The following UVRAG variants were observed in gnomAD, a reference collection of about 807,000 sequenced individuals.
The protein encoded by UVRAG is UV radiation resistance-associated gene protein.
Under a neutral mutation model 78.0 loss-of-function variants are expected in UVRAG, and 19 were observed. The ratio of observed to expected loss-of-function variants is 0.24; its 90% CI spans 0.17 to 0.36. The LOEUF (loss-of-function observed/expected upper bound fraction) is 0.36, where lower values mean the gene tolerates loss of function less well. UVRAG is among the 10% of genes least tolerant of loss of function. The pLI is 1.00. For synonymous variants in UVRAG, 323 were observed against 324.6 expected, an observed-to-expected ratio of 1.00 and a Z score of 0.05; for missense variants, 740 against 853.8, an observed-to-expected ratio of 0.87 and a Z score of 1.66.
chr11:75,917,746 A>G (rs1947889282), intron 6 of UVRAG, among the ~76,000 whole-genome samples: 3 of 152,192 alleles, frequency 2.0e-5, no homozygotes, highest in African/African-American at 7.2e-5. Flanking sequence ...TAGTCTCCCA[A>G]GCTAGTAATC....
intron 13 of UVRAG, among the ~76,000 whole-genome samples, chr11:76,107,945 A>AT: frequency 6.6e-6 from 1 of 152,128 alleles, no homozygotes. Flanking sequence ...GCATATGTGC[A>AT]TTTTTCATTT....
At chr11:75,961,291 C>A (rs755125331) in intron 6 of UVRAG, among the ~76,000 whole-genome samples, 153 bp from the exon 7 acceptor site, 7 of 151,774 alleles carry the variant, frequency 4.6e-5, no homozygotes, top group Non-Finnish European at 1.0e-4. Flanking sequence ...TATTGTATTC[C>A]CTGTTATTTC....
intron 1 of UVRAG, among the ~76,000 whole-genome samples, chr11:75,838,674 T>C (rs534670051): frequency 6.6e-6 from 1 of 152,286 alleles, no homozygotes; most frequent in African/African-American, 2.4e-5. Context: ...TTTTGATAGA[T>C]GTTGTCAGAT....
intron 12 of UVRAG, among the ~76,000 whole-genome samples, chr11:76,028,210 C>G (rs1242713207): frequency 6.6e-6 from 1 of 152,058 alleles, no homozygotes; most frequent in Non-Finnish European, 1.5e-5. Flanking sequence ...ACAAACCACA[C>G]CAATATAAGA....
At chr11:76,110,077 T>C (rs1439185922) in intron 13 of UVRAG, among the ~76,000 whole-genome samples, 1 of 152,096 alleles carries the variant, frequency 6.6e-6, no homozygotes, top group East Asian at 1.9e-4. Flanking sequence ...TTGAAGTAAC[T>C]CTTTCCTTCT....
chr11:75,881,894 A>G (rs1281268983), intron 4 of UVRAG, among the ~76,000 whole-genome samples: 2 of 152,204 alleles, frequency 1.3e-5, no homozygotes, highest in Non-Finnish European at 2.9e-5. Flanking sequence ...TGAGCCTCAG[A>G]AACTTTAGGA....
At chr11:75,991,894 G>C (rs1167460453) in intron 8 of UVRAG, among the ~76,000 whole-genome samples, 1 of 152,034 alleles carries the variant, frequency 6.6e-6, no homozygotes, top group Non-Finnish European at 1.5e-5. Context: ...CTCATATTTA[G>C]AGAATATGAG....
chr11:76,005,305 T>G (rs1949911753), intron 9 of UVRAG, among the ~76,000 whole-genome samples: 1 of 151,996 alleles, frequency 6.6e-6, no homozygotes, highest in Non-Finnish European at 1.5e-5. Flanking sequence ...ATGGCGCCAC[T>G]GCACTCCAGT....
At chr11:75,927,429 T>C (rs1191803062) in intron 6 of UVRAG, among the ~76,000 whole-genome samples, 1 of 152,198 alleles carries the variant, frequency 6.6e-6, no homozygotes, top group East Asian at 1.9e-4. Context: ...GAGTAGAATA[T>C]AATGATAGCT....
At chr11:75,946,623 T>C (rs1423360524) in intron 6 of UVRAG, among the ~76,000 whole-genome samples, 2 of 152,210 alleles carry the variant, frequency 1.3e-5, no homozygotes, top group Admixed American at 1.3e-4. Flanking sequence ...TAAGCTCCCA[T>C]GGTTTTTGGC....
chr11:75,946,046 AT>A (rs1948582661), intron 6 of UVRAG, among the ~76,000 whole-genome samples: 1 of 152,168 alleles, frequency 6.6e-6, no homozygotes, highest in South Asian at 2.1e-4. Context: ...AAGTTTGAGC[AT>A]TATGAAGATA....
At chr11:75,909,446 T>C in intron 5 of UVRAG, among the ~76,000 whole-genome samples, 1 of 152,228 alleles carries the variant, frequency 6.6e-6, no homozygotes, top group African/African-American at 2.4e-5. Context: ...ATCATGCTAC[T>C]ACTCTCCAGC....
intron 12 of UVRAG, among the ~76,000 whole-genome samples, chr11:76,060,130 T>G (rs574041731): frequency 6.6e-6 from 1 of 152,316 alleles, no homozygotes; most frequent in East Asian, 1.9e-4. Context: ...AATCAGTTTC[T>G]TTTCACAGTT....
At chr11:75,900,059 G>A (rs1947455250) in intron 5 of UVRAG, among the ~76,000 whole-genome samples, 1 of 152,148 alleles carries the variant, frequency 6.6e-6, no homozygotes, top group East Asian at 1.9e-4. Flanking sequence ...CACGTTTCCT[G>A]TTATGAATTT....
intron 6 of UVRAG, chr11:75,916,523 C>G (rs2135046314): frequency 6.6e-6 from 1 of 152,220 alleles, no homozygotes; most frequent in Non-Finnish European, 1.5e-5. Context: ...GCATATTTTC[C>G]CTTTCTCTCC....
intron 12 of UVRAG, among the ~76,000 whole-genome samples, chr11:76,025,107 G>A (rs1950305492): frequency 6.6e-6 from 1 of 152,108 alleles, no homozygotes; most frequent in African/African-American, 2.4e-5. Flanking sequence ...CTGGACTGAT[G>A]CCTTGTCTAA....
chr11:75,957,498 C>G (rs1948824319), intron 6 of UVRAG, among the ~76,000 whole-genome samples: 1 of 151,216 alleles, frequency 6.6e-6, no homozygotes, highest in Non-Finnish European at 1.5e-5. Context: ...TGGCATATTT[C>G]AAGATTGGTT....
chr11:76,069,115 A>C (rs1951252530), intron 13 of UVRAG, among the ~76,000 whole-genome samples: 1 of 152,200 alleles, frequency 6.6e-6, no homozygotes, highest in Non-Finnish European at 1.5e-5. Flanking sequence ...CTTTTTTGGT[A>C]GAGGAAATGA....
Position 75,886,293 on chromosome 11 carries a change from A to T in UVRAG, c.433-2536A>T, listed in dbSNP as rs193081143. Among the ~76,000 whole-genome samples the T allele has an allele frequency of 1.5e-3, 233 of 152,256 alleles. 1 individual carries two copies. The highest frequency in any genetic ancestry group is 5.3e-3 in the African/African-American group (219 of 41,558). ...GATTTGTTTCTCCCCATACTCTCCC[A>T]TCCCTTTCTTTAAGTGTATATTTTT... On this transcript the variant is annotated intron_variant, in intron 4 of 14. Coordinates refer to ENST00000356136, the MANE Select transcript of UVRAG (RefSeq NM_003369.4).
Sources: gnomAD v4.1 joint callset for allele counts (sites outside exome capture counted in the v4.1 genomes callset) on GRCh38, gnomAD v4.1.1 for gene constraint, MANE v1.5 for transcripts, NCBI Gene and HGNC (gene_info 2026-07-23, HGNC 2026-07-21) for gene names.